The following AEN variants were observed in gnomAD, a reference collection of about 807,000 sequenced individuals.
AEN encodes apoptosis-enhancing nuclease.
In AEN, 21 loss-of-function variants were observed where a neutral mutation model predicts 17.7. That is an observed-to-expected ratio of 1.19 (90% confidence interval 0.84 to 1.71). AEN has a LOEUF of 1.71. Among genes scored for constraint, AEN ranks in the 40% most tolerant of loss-of-function variants. The pLI, the probability that AEN is intolerant of heterozygous loss-of-function variation, is 0.00. For missense variants in AEN, 462 were observed against 435.9 expected (o/e 1.06, Z -0.53); for synonymous variants, 190 against 173.0 (o/e 1.10, Z -0.77).
chr15:88,617,429 T>G (rs989394466), upstream of AEN, among the ~76,000 whole-genome samples: 3 of 152,164 alleles, frequency 2.0e-5, no homozygotes, highest in Non-Finnish European at 2.9e-5. Context: ...AATTTTTGTG[T>G]TTTAGTAGAG....
At position 88,631,362 on chromosome 15, in the gene AEN, T is replaced by C. The variant is rs1596034149; in HGVS notation, c.*1068T>C. ...TTTGACAATCACTGTGGCTGTTGGG[T>C]TTTCTCCTATTTCTAAAAATGTTCT... On this transcript the variant is annotated 3_prime_UTR_variant, in exon 4 of 4. Transcript: ENST00000332810. The C allele has an allele frequency of 1.2e-5, 3 of 253,394 alleles. No homozygotes were observed. The East Asian group carries it at 2.7e-4, about 22-fold the overall frequency. 15.7% of individuals were successfully genotyped at this position (253,394 alleles called of 1,614,324 possible). A position where few individuals can be genotyped will look rare whatever the true frequency, so the allele number is the denominator to read the frequency against.
At chr15:88,612,331 C>T in the AEN span, among the ~76,000 whole-genome samples, 1 of 152,034 alleles carries the variant, frequency 6.6e-6, no homozygotes, top group Non-Finnish European at 1.5e-5. Flanking sequence ...CCGAGGTTCC[C>T]GGATGTTCAG....
the AEN span, among the ~76,000 whole-genome samples, chr15:88,612,832 G>T: frequency 6.6e-6 from 1 of 151,722 alleles, no homozygotes; most frequent in South Asian, 2.1e-4. Context: ...AACTCGTGAC[G>T]TCAGGGGATC....
chr15:88,627,270 C>G (rs894892744), intron 2 of AEN: 5 of 161,162 alleles, frequency 3.1e-5, no homozygotes, highest in African/African-American at 1.2e-4. Flanking sequence ...AGTTCCTGAT[C>G]CATTAGGCTT....
chr15:88,617,468 G>T (rs1019742931), upstream of AEN, among the ~76,000 whole-genome samples: 5 of 152,188 alleles, frequency 3.3e-5, no homozygotes, highest in African/African-American at 9.7e-5. Flanking sequence ...GGCCAGGCTG[G>T]TCTCAAACTT....
At position 88,631,448 on chromosome 15, in the gene AEN, C is replaced by A. The variant is rs142747428; in HGVS notation, c.*1154C>A. 111 of 225,560 alleles carry A rather than the reference C, an allele frequency of 4.9e-4. No homozygotes were observed. Among genetic ancestry groups the A allele is most frequent in the African/African-American group, 2.3e-3 (102 of 44,774 alleles). The allele number at this position is 225,560 out of a possible 1,614,324, so 14.0% of individuals were successfully genotyped here. A position where few individuals can be genotyped will look rare whatever the true frequency, so the allele number is the denominator to read the frequency against. ...AACCAAGAGCTCAGGTCACACAGAC[C>A]TTGGAGCCCCATCTTTGCTTGCAGC... On this transcript the variant is annotated 3_prime_UTR_variant, in exon 4 of 4. Transcript: ENST00000332810.
At chr15:88,626,817 TCAC>T in intron 2 of AEN, 68 bp downstream of exon 2, 1 of 1,520,616 alleles carries the variant, frequency 6.6e-7, no homozygotes, top group Non-Finnish European at 8.8e-7. Flanking sequence ...TGGGTTTGAA[TCAC>T]CACTTTGCTT....
chr15:88,631,258 G>C lies in AEN; in HGVS notation c.*964G>C. 1 of 433,490 alleles carries C rather than the reference G, an allele frequency of 2.3e-6. No homozygotes were observed. Among genetic ancestry groups the C allele is most frequent in the South Asian group, 1.6e-5 (1 of 63,322 alleles). The allele number at this position is 433,490 out of a possible 1,614,324, so 26.9% of individuals were successfully genotyped here. A position where few individuals can be genotyped will look rare whatever the true frequency, so the allele number is the denominator to read the frequency against. Reference sequence around the variant, plus strand: ...GGAGTCTGCGTGTCTCCTGGGGCTGGGGCAGGGCATTGGCAGTTACGCAGT... The same window carrying C: ...GGAGTCTGCGTGTCTCCTGGGGCTGCGGCAGGGCATTGGCAGTTACGCAGT... On this transcript the variant is annotated 3_prime_UTR_variant, in exon 4 of 4. Coordinates refer to ENST00000332810, the MANE Select transcript of AEN (RefSeq NM_022767.4).
upstream of AEN, among the ~76,000 whole-genome samples, chr15:88,616,465 G>T (rs543310443): frequency 1.3e-5 from 2 of 152,274 alleles, no homozygotes; most frequent in Admixed American, 6.5e-5. Context: ...GTTCAGCAAG[G>T]TCAAGAGCCT....
intron 2 of AEN, chr15:88,629,022 T>C: frequency 1.7e-6 from 1 of 590,354 alleles, no homozygotes; most frequent in Non-Finnish European, 3.0e-6. Flanking sequence ...AAGACATAGG[T>C]ATGCCCCTGG....
At chr15:88,606,377 A>T in the AEN span, among the ~76,000 whole-genome samples, 21 of 152,280 alleles carry the variant, frequency 1.4e-4, no homozygotes, top group East Asian at 3.7e-3. Flanking sequence ...AGCGTGGATG[A>T]AATCTGTTCA....
chr15:88,619,425 C>T (rs2057763269), upstream of AEN, among the ~76,000 whole-genome samples: 1 of 152,174 alleles, frequency 6.6e-6, no homozygotes, highest in South Asian at 2.1e-4. Flanking sequence ...TGTGGTGGCT[C>T]ACGCCTGTAA....
At chr15:88,606,516 C>T in the AEN span, among the ~76,000 whole-genome samples, 1 of 145,678 alleles carries the variant, frequency 6.9e-6, no homozygotes, top group South Asian at 2.2e-4. Flanking sequence ...CACAAAAGGG[C>T]TAACGGAGGT....
intron 2 of AEN, 74 bp from the exon 3 acceptor site, chr15:88,629,152 G>T (rs934552884): frequency 8.9e-6 from 13 of 1,452,680 alleles, no homozygotes; most frequent in African/African-American, 1.4e-5. Flanking sequence ...ATTGGCCAGG[G>T]GTTCTCAGGG....
upstream of AEN, among the ~76,000 whole-genome samples, chr15:88,619,783 C>G (rs2057766853): frequency 6.6e-6 from 1 of 152,134 alleles, no homozygotes; most frequent in African/African-American, 2.4e-5. Context: ...ATAACCCCTT[C>G]CCCTCTGCTC....
chr15:88,619,877 C>A (rs1433041981), upstream of AEN, among the ~76,000 whole-genome samples: 1 of 152,110 alleles, frequency 6.6e-6, no homozygotes, highest in South Asian at 2.1e-4. Flanking sequence ...TCCTCCACAC[C>A]ACTCTGGACA....
intron 1 of AEN, among the ~76,000 whole-genome samples, 187 bp from the exon 2 acceptor site, chr15:88,625,959 C>G (rs1001958580): frequency 4.6e-5 from 7 of 152,194 alleles, no homozygotes; most frequent in African/African-American, 1.7e-4. Context: ...AACAGTGATT[C>G]ACCTGTGTTT....
upstream of AEN, among the ~76,000 whole-genome samples, chr15:88,620,818 G>A: frequency 6.6e-6 from 1 of 152,154 alleles, no homozygotes; most frequent in East Asian, 1.9e-4. Flanking sequence ...GCCCACGTAG[G>A]AACTTAATAC....
Position 88,626,333 on chromosome 15 carries a change from G to T in AEN, c.124G>T (p.Ala42Ser), listed in dbSNP as rs2057852332. ...GAGCCGACAGCACCAGCGGTTCATG[G>T]CCCGGAAGGCCTTGCTGCAGGAGCA... Reference protein sequence around the residue: ...RRSRQHQRFMARKALLQEQGL... With the variant: ...RRSRQHQRFMSRKALLQEQGL... The change falls in exon 2 of 4, where the codon GCC becomes TCC. Residue 42 changes from alanine (A) to serine (S), a missense_variant. Coordinates refer to ENST00000332810, the MANE Select transcript of AEN (RefSeq NM_022767.4). 1.9e-6 allele frequency: 3 copies of T among 1,613,472 alleles called. No individual in the cohort carries two copies. Among genetic ancestry groups the T allele is most frequent in the Non-Finnish European group, 1.7e-6 (2 of 1,179,866 alleles).
Sources: allele counts gnomAD v4.1 joint callset (sites outside exome capture counted in the v4.1 genomes callset), GRCh38; gene constraint gnomAD v4.1.1; transcripts MANE v1.5; gene names NCBI Gene and HGNC (gene_info 2026-07-23, HGNC 2026-07-21).